The following SS18 variants were observed in gnomAD, a reference collection of about 807,000 sequenced individuals.
The protein encoded by SS18 is SS18 subunit of BAF chromatin remodeling complex, also known as protein SSXT.
SS18 carries 28 observed loss-of-function variants against 72.5 expected under a neutral mutation model. The observed-to-expected ratio is 0.39, with a 90% CI of 0.29 to 0.53. The LOEUF (loss-of-function observed/expected upper bound fraction) is 0.53. Among genes scored for constraint, SS18 ranks in the 20% least tolerant of loss-of-function variants. The pLI is 0.76. For synonymous variants in SS18, 172 were observed against 164.2 expected (o/e 1.05, Z -0.37); for missense variants, 518 against 535.3 (o/e 0.97, Z 0.32).
intron 3 of SS18, among the ~76,000 whole-genome samples, chr18:26,061,649 G>A (rs1479341498): frequency 6.6e-6 from 1 of 151,646 alleles, no homozygotes; most frequent in Admixed American, 6.6e-5. Context: ...CATCTGTAAA[G>A]TGCTAAGACA....
intron 4 of SS18, among the ~76,000 whole-genome samples, chr18:26,055,450 A>G (rs1451869700): frequency 6.6e-6 from 1 of 152,012 alleles, no homozygotes; most frequent in East Asian, 1.9e-4. Flanking sequence ...CTAGGCGACA[A>G]GAGCAAAACT....
intron 5 of SS18, among the ~76,000 whole-genome samples, chr18:26,042,455 C>T (rs867446565): frequency 2.6e-5 from 4 of 152,042 alleles, no homozygotes; most frequent in Non-Finnish European, 4.4e-5. Context: ...ATAACAAACA[C>T]TTATCATTAG....
chr18:26,027,448 A>G (rs1598528596), intron 10 of SS18, among the ~76,000 whole-genome samples: 1 of 152,080 alleles, frequency 6.6e-6, no homozygotes, highest in Admixed American at 6.5e-5. Context: ...GGAGATCAAG[A>G]CCATCCTAGC....
intron 3 of SS18, among the ~76,000 whole-genome samples, chr18:26,064,256 G>T (rs1568019088): frequency 6.6e-6 from 1 of 151,760 alleles, no homozygotes. Context: ...CCAATTTTTT[G>T]TTCCAGAAAA....
At chr18:26,042,730 T>C (rs1305723695) in intron 5 of SS18, among the ~76,000 whole-genome samples, 1 of 151,988 alleles carries the variant, frequency 6.6e-6, no homozygotes, top group East Asian at 1.9e-4. Flanking sequence ...CTAGGAGCCA[T>C]GGTAATATAG....
chr18:26,061,221 G>A (rs1008078080), intron 3 of SS18, among the ~76,000 whole-genome samples: 1 of 152,070 alleles, frequency 6.6e-6, no homozygotes, highest in African/African-American at 2.4e-5. Flanking sequence ...GCTGAGACAG[G>A]AGAATTGCTA....
intron 3 of SS18, among the ~76,000 whole-genome samples, chr18:26,059,432 A>G (rs1218308988): frequency 6.6e-6 from 1 of 152,226 alleles, no homozygotes; most frequent in Admixed American, 6.5e-5. Context: ...ATTTCCAGAG[A>G]GAAAGGACCA....
Position 26,038,669 on chromosome 18 carries a change from CACA to C in SS18, c.776-13_776-11del, listed in dbSNP as rs1264179052. 5 of 1,603,452 alleles carry C rather than the reference CACA, an allele frequency of 3.1e-6. No homozygotes were observed. The highest frequency in any genetic ancestry group is 3.3e-5 in the Admixed American group (2 of 59,914). On this transcript the variant is annotated splice_polypyrimidine_tract_variant and intron_variant, in intron 6 of 10. Coordinates refer to ENST00000415083, the MANE Select transcript of SS18 (RefSeq NM_001007559.3). ...TACTGCTGTGGTGGGCCTGAAAAACCACAACCAGTCAAGATATAAATAATGTGT... is the reference window on the plus strand; with the variant it reads ...TACTGCTGTGGTGGGCCTGAAAAACCACCAGTCAAGATATAAATAATGTGT...
At chr18:26,039,874 T>C (rs1357547956) in intron 5 of SS18, among the ~76,000 whole-genome samples, 2 of 152,124 alleles carry the variant, frequency 1.3e-5, no homozygotes, top group Non-Finnish European at 2.9e-5. Context: ...AAAACAGTGG[T>C]CAAACTAAGG....
At chr18:26,056,293 T>C (rs1598576508) in intron 4 of SS18, among the ~76,000 whole-genome samples, 1 of 152,312 alleles carries the variant, frequency 6.6e-6, no homozygotes, top group East Asian at 1.9e-4. Flanking sequence ...TCATAAAAAG[T>C]CACAAAACTC....
At chr18:26,042,843 T>C (rs910711586) in intron 5 of SS18, among the ~76,000 whole-genome samples, 4 of 152,132 alleles carry the variant, frequency 2.6e-5, no homozygotes, top group African/African-American at 9.7e-5. Flanking sequence ...TGTTTTAATC[T>C]GTCAATTCTG....
chr18:26,039,292 G>A lies in SS18; in HGVS notation c.772C>T (p.Gln258Ter). Residue 258 changes from glutamine to a stop codon, truncating the protein, a stop_gained, in exon 6 of 11, where the codon CAG becomes TAG. Coordinates refer to ENST00000415083, the MANE Select transcript of SS18 (RefSeq NM_001007559.3). LOFTEE classifies it high-confidence loss of function. ...RQIPPYRPPQ[Q>*]GPPQQYSGQE... ...AATTTTCCAAATGGAATCTTACCCT[G>A]TTGAGGAGGTCTATAGGGAGGAATC... The A allele has an allele frequency of 6.2e-7, 1 of 1,603,584 alleles. No individual in the cohort carries two copies. Among genetic ancestry groups the A allele is most frequent in the African/African-American group, 1.3e-5 (1 of 74,594 alleles).
chr18:26,055,382 G>A (rs906595140), intron 4 of SS18, among the ~76,000 whole-genome samples: 3 of 151,856 alleles, frequency 2.0e-5, no homozygotes, highest in Admixed American at 6.6e-5. Flanking sequence ...CAGGAGAATC[G>A]CTTGAACCCG....
chr18:26,085,933 T>G (rs2144186224), intron 2 of SS18: 1 of 151,928 alleles, frequency 6.6e-6, no homozygotes, highest in South Asian at 2.1e-4. Flanking sequence ...ACCAGTGAAG[T>G]CTCTAGGAAA....
intron 10 of SS18, among the ~76,000 whole-genome samples, chr18:26,022,437 T>TAAA (rs35858470): frequency 7.6e-6 from 1 of 131,996 alleles, no homozygotes; most frequent in African/African-American, 2.7e-5. Flanking sequence ...CCTGAAACAA[T>TAAA]AAAAAAAAAA....
At chr18:26,033,162 A>G (rs1258702810) in intron 9 of SS18, among the ~76,000 whole-genome samples, 1 of 152,204 alleles carries the variant, frequency 6.6e-6, no homozygotes, top group African/African-American at 2.4e-5. Context: ...ATGATTACAA[A>G]TTCCAGAGAT....
intron 3 of SS18, among the ~76,000 whole-genome samples, chr18:26,072,712 G>T (rs1262395130): frequency 6.8e-6 from 1 of 147,976 alleles, no homozygotes; most frequent in Non-Finnish European, 1.5e-5. Flanking sequence ...TAGAAGAATG[G>T]TGTGAACCCA....
intron 3 of SS18, among the ~76,000 whole-genome samples, chr18:26,060,399 G>A (rs2054098076): frequency 6.6e-6 from 1 of 152,082 alleles, no homozygotes; most frequent in African/African-American, 2.4e-5. Flanking sequence ...GGGAGAGGGG[G>A]AGAATTGAGA....
At chr18:26,061,323 T>C (rs1196851820) in intron 3 of SS18, among the ~76,000 whole-genome samples, 1 of 151,902 alleles carries the variant, frequency 6.6e-6, no homozygotes, top group Non-Finnish European at 1.5e-5. Context: ...AAAAAATAAA[T>C]AAATAAATAA....
Sources: allele counts gnomAD v4.1 joint callset (sites outside exome capture counted in the v4.1 genomes callset), GRCh38; gene constraint gnomAD v4.1.1; transcripts MANE v1.5; gene names NCBI Gene and HGNC (gene_info 2026-07-23, HGNC 2026-07-21).